The following SCML4 variants were observed in gnomAD, a reference collection of about 807,000 sequenced individuals.
SCML4 encodes the protein Scm polycomb group protein like 4.
A neutral mutation model predicts 41.1 loss-of-function variants in SCML4; 34 were observed. The ratio of observed to expected loss-of-function variants is 0.83; its 90% CI spans 0.63 to 1.10. The LOEUF is 1.10. SCML4 is among the 50% of genes least tolerant of loss of function. SCML4 has a pLI of 0.00. For synonymous variants in SCML4, 214 were observed against 220.9 expected (o/e 0.97, Z 0.28); for missense variants, 522 against 534.1 (o/e 0.98, Z 0.22).
At chr6:107,835,639 G>A in the SCML4 span, among the ~76,000 whole-genome samples, 2 of 151,642 alleles carry the variant, frequency 1.3e-5, no homozygotes, top group Non-Finnish European at 2.9e-5. Context: ...TACTTGCTGG[G>A]GAGGGGCGGG....
intron 1 of SCML4, among the ~76,000 whole-genome samples, chr6:107,775,077 T>C (rs1276999247): frequency 6.6e-6 from 1 of 151,700 alleles, no homozygotes; most frequent in Non-Finnish European, 1.5e-5. Context: ...TTAGGCAAGA[T>C]AAACAGGTCA....
Position 107,772,373 on chromosome 6 carries a change from A to G in SCML4, c.-46T>C. On this transcript the variant is annotated 5_prime_UTR_variant, in exon 2 of 8. Coordinates refer to ENST00000369020, the MANE Select transcript of SCML4 (RefSeq NM_198081.5). ...CAGAATGAGGTGACAAATCGCTCACAGGCAGAAGAGGTGCTAAGAATTAGT... is the reference window on the plus strand; with the variant it reads ...CAGAATGAGGTGACAAATCGCTCACGGGCAGAAGAGGTGCTAAGAATTAGT... 2 of 1,514,324 alleles carry G rather than the reference A, an allele frequency of 1.3e-6. No homozygotes were observed. Among genetic ancestry groups the G allele is most frequent in the South Asian group, 1.3e-5 (1 of 78,770 alleles). 93.8% of individuals were successfully genotyped at this position (1,514,324 alleles called of 1,614,324 possible).
rs1370772185 is a variant in SCML4 at position 107,720,779 on chromosome 6, G to A, written c.897C>T (p.Gly299=). Residue 299 remains glycine (G), a synonymous_variant, in exon 6 of 8, where the codon GGC becomes GGT. Coordinates refer to ENST00000369020, the MANE Select transcript of SCML4 (RefSeq NM_198081.5). ...GAGGCCTCAGCCCAGGTGCCGAGGG[G>A]CCACCAGAAGACATGGGGCTAGTGC... ...GPRTSPMSSG[G]PSAPGLRPPA... 16 of 1,613,212 alleles carry A rather than the reference G, an allele frequency of 9.9e-6. No individual in the cohort carries two copies. The East Asian group carries it at 3.3e-4, about 34-fold the overall frequency.
In SCML4 at chr6:107,738,089, G is replaced by A. The variant is rs74515419; in HGVS notation, c.682+6860C>T. 7.1e-4 allele frequency among the ~76,000 whole-genome samples: 108 copies of A among 151,992 alleles called. 2 individuals carry two copies. The East Asian group carries it at 0.02, about 28-fold the overall frequency. ...TCTTTTTAAATTTTAACACTCAAAG[G>A]CAACAACAATTTTCCCCGTGGTCAT... On this transcript the variant is annotated intron_variant, in intron 5 of 7. Transcript: ENST00000369020.
chr6:107,758,790 C>T (rs1027836289), intron 2 of SCML4, among the ~76,000 whole-genome samples: 3 of 152,126 alleles, frequency 2.0e-5, no homozygotes, highest in Non-Finnish European at 4.4e-5. Context: ...GCCCTGCTGA[C>T]ACCCTGATTT....
chr6:107,825,891 C>T (rs56040558), upstream of SCML4, among the ~76,000 whole-genome samples: 12,342 of 132,304 alleles, frequency 0.093, 557 homozygotes, highest in East Asian at 0.14. Context: ...GAGCCGATAC[C>T]GTGCCACTGC....
intron 5 of SCML4, chr6:107,740,282 A>G: frequency 2.5e-6 from 1 of 404,750 alleles, no homozygotes; most frequent in South Asian, 1.8e-5. Flanking sequence ...GAGATGGTGG[A>G]AAGCCAGTTT....
chr6:107,834,223 G>C, the SCML4 span, among the ~76,000 whole-genome samples: 1 of 152,236 alleles, frequency 6.6e-6, no homozygotes, highest in South Asian at 2.1e-4. Context: ...AGCAGAAGTT[G>C]GGAGGACTAA....
At chr6:107,843,961 A>G in the SCML4 span, among the ~76,000 whole-genome samples, 3 of 152,208 alleles carry the variant, frequency 2.0e-5, no homozygotes, top group Non-Finnish European at 4.4e-5. Context: ...GAGAAGCAAA[A>G]CAAAGCAAAA....
intron 1 of SCML4, among the ~76,000 whole-genome samples, chr6:107,813,575 C>T (rs1213424274): frequency 6.6e-6 from 1 of 151,652 alleles, no homozygotes; most frequent in African/African-American, 2.4e-5. Context: ...TCAATCTCTA[C>T]CAAATGGAGG....
chr6:107,816,692 C>A (rs978843144), intron 1 of SCML4, among the ~76,000 whole-genome samples: 5 of 152,234 alleles, frequency 3.3e-5, no homozygotes, highest in Non-Finnish European at 5.9e-5. Flanking sequence ...GGCCTTGAAA[C>A]CCATTCAGTC....
chr6:107,845,656 G>A, the SCML4 span, among the ~76,000 whole-genome samples: 19 of 152,206 alleles, frequency 1.2e-4, no homozygotes, highest in Admixed American at 1.1e-3. Flanking sequence ...CCTTCAGAAA[G>A]GAATGGGCAA....
At chr6:107,712,688 C>T (rs1429783990) in intron 6 of SCML4, among the ~76,000 whole-genome samples, 2 of 152,120 alleles carry the variant, frequency 1.3e-5, no homozygotes, top group African/African-American at 4.8e-5. Context: ...CACATAGATT[C>T]GCTTTAGAAA....
upstream of SCML4, among the ~76,000 whole-genome samples, chr6:107,828,452 T>G (rs1423034609): frequency 6.6e-6 from 1 of 152,226 alleles, no homozygotes; most frequent in Non-Finnish European, 1.5e-5. Context: ...GAGTGCTTAG[T>G]TGTGATTATG....
chr6:107,780,019 G>A (rs761715964), intron 1 of SCML4, among the ~76,000 whole-genome samples: 3 of 152,156 alleles, frequency 2.0e-5, no homozygotes, highest in Non-Finnish European at 2.9e-5. Context: ...GCCAGGGGCC[G>A]TGTTTCACAT....
At chr6:107,736,109 G>A (rs183322059) in intron 5 of SCML4, among the ~76,000 whole-genome samples, 267 of 152,312 alleles carry the variant, frequency 1.8e-3, no homozygotes, top group African/African-American at 3.0e-3. Context: ...TGCCTGCCCC[G>A]TGGTTGTCAT....
intron 5 of SCML4, among the ~76,000 whole-genome samples, chr6:107,726,731 G>T (rs184839300): frequency 1.3e-5 from 2 of 152,084 alleles, no homozygotes; most frequent in African/African-American, 4.8e-5. Context: ...CACTAGGAAG[G>T]TGATAATCAA....
rs560489885 is a variant in SCML4 at position 107,788,128 on chromosome 6, G to A, written c.-59-15742C>T. Among the ~76,000 whole-genome samples the A allele has an allele frequency of 4.3e-4, 66 of 152,330 alleles. No homozygotes were observed. The South Asian group carries it at 7.0e-3, about 16-fold the overall frequency. On this transcript the variant is annotated intron_variant, in intron 1 of 7. Transcript: ENST00000369020. Reference sequence around the variant, plus strand: ...AGGCAAGAGCAAGTGCACAGTTATCGTGAAATTGATTTTGTTTCTCCACAT... The same window carrying A: ...AGGCAAGAGCAAGTGCACAGTTATCATGAAATTGATTTTGTTTCTCCACAT...
intron 1 of SCML4, among the ~76,000 whole-genome samples, chr6:107,788,783 G>A (rs1050042601): frequency 1.3e-5 from 2 of 152,116 alleles, no homozygotes; most frequent in Admixed American, 1.3e-4. Context: ...CTACACACCG[G>A]TTTATTCTCC....
Sources: gnomAD v4.1 joint callset for allele counts (sites outside exome capture counted in the v4.1 genomes callset) on GRCh38, gnomAD v4.1.1 for gene constraint, MANE v1.5 for transcripts, NCBI Gene and HGNC (gene_info 2026-07-23, HGNC 2026-07-21) for gene names.